Variants in SLC4A8 observed in about 807,000 individuals in gnomAD.
SLC4A8 encodes the protein solute carrier family 4 member 8, also known as electroneutral sodium bicarbonate exchanger 1.
Under a neutral mutation model 125.0 loss-of-function variants are expected in SLC4A8, and 40 were observed. The ratio of observed to expected loss-of-function variants is 0.32; its 90% CI spans 0.25 to 0.42. The LOEUF is 0.42. SLC4A8 is among the 10% of genes least tolerant of loss of function. The pLI, the probability that SLC4A8 is intolerant of heterozygous loss-of-function variation, is 1.00. For synonymous variants in SLC4A8, 456 were observed against 476.0 expected, an observed-to-expected ratio of 0.96 and a Z score of 0.55; for missense variants, 863 against 1,355.1, an observed-to-expected ratio of 0.64 and a Z score of 5.70.
intron 1 of SLC4A8, among the ~76,000 whole-genome samples, chr12:51,426,964 AGTC>A (rs1182247945): frequency 2.3e-5 from 3 of 130,632 alleles, no homozygotes; most frequent in Non-Finnish European, 3.1e-5. Flanking sequence ...TTTGAGATGG[AGTC>A]TTGCTCTGTC....
In SLC4A8 at chr12:51,471,496, A is replaced by T; in HGVS notation, c.1868A>T (p.His623Leu). The T allele has an allele frequency of 6.2e-7, 1 of 1,614,168 alleles. No individual in the cohort carries two copies. The highest frequency in any genetic ancestry group is 8.5e-7 in the Non-Finnish European group (1 of 1,180,020). Residue 623 changes from histidine (H) to leucine (L), a missense_variant, in exon 14 of 25, where the codon CAC becomes CTC. Physicochemically the swap from His to Leu is moderately conservative, Grantham distance 99 (BLOSUM62 -3). Transcript: ENST00000453097. The part of the protein sequence containing the change: ...LIHLAETYPI[H>L]MHSQLDHLSL... ...CACCTGGCAGAGACCTACCCCATCC[A>T]CATGCACAGCCAGCTGGACCACCTT...
intron 8 of SLC4A8, 94 bp from the exon 9 acceptor site, chr12:51,461,110 C>T (rs1227755830): frequency 1.4e-5 from 8 of 580,390 alleles, no homozygotes; most frequent in East Asian, 2.9e-5. Context: ...GATTTATGTA[C>T]GATAAGAGAG....
chr12:51,440,279 A>G (rs545800468), intron 1 of SLC4A8, among the ~76,000 whole-genome samples: 1 of 152,268 alleles, frequency 6.6e-6, no homozygotes, highest in South Asian at 2.1e-4. Flanking sequence ...ACCTGGGCTC[A>G]TGACACGTCC....
intron 8 of SLC4A8, among the ~76,000 whole-genome samples, chr12:51,460,791 A>G (rs1273483111): frequency 6.6e-6 from 1 of 152,206 alleles, no homozygotes; most frequent in African/African-American, 2.4e-5. Context: ...TCCAGAACAC[A>G]TTTAGACTCC....
At chr12:51,477,511 T>C (rs1950890470) in intron 16 of SLC4A8, among the ~76,000 whole-genome samples, 1 of 152,230 alleles carries the variant, frequency 6.6e-6, no homozygotes, top group Non-Finnish European at 1.5e-5. Flanking sequence ...CAATGCCAAA[T>C]GCCCACAGCA....
At chr12:51,451,090 G>C in intron 3 of SLC4A8, 68 bp downstream of exon 3, 1 of 1,277,444 alleles carries the variant, frequency 7.8e-7, no homozygotes, top group Non-Finnish European at 1.0e-6. Context: ...GGGGACATGT[G>C]ACTGACATTA....
At chr12:51,460,752 C>T (rs1202488892) in intron 8 of SLC4A8, among the ~76,000 whole-genome samples, 2 of 152,184 alleles carry the variant, frequency 1.3e-5, no homozygotes, top group African/African-American at 4.8e-5. Flanking sequence ...TGATTCAGAG[C>T]CCTGCTACTT....
Position 51,493,696 on chromosome 12 carries a change from G to C in SLC4A8, c.2701-8G>C. Reference sequence around the variant, plus strand: ...AATTTCTGGCCTTTCTTGTCCTTTTGTCTTCAGTTTATTCCAATGCCAGTA... The same window carrying C: ...AATTTCTGGCCTTTCTTGTCCTTTTCTCTTCAGTTTATTCCAATGCCAGTA... On this transcript the variant is annotated splice_polypyrimidine_tract_variant and splice_region_variant and intron_variant, in intron 19 of 24. Coordinates refer to ENST00000453097, the MANE Select transcript of SLC4A8 (RefSeq NM_001039960.3). 2 of 1,593,622 alleles carry C rather than the reference G, an allele frequency of 1.3e-6. No individual in the cohort carries two copies. Among genetic ancestry groups the C allele is most frequent in the Non-Finnish European group, 1.7e-6 (2 of 1,161,498 alleles).
At chr12:51,424,054 C>A (rs189634636), upstream of SLC4A8, among the ~76,000 whole-genome samples, 1,368 of 76,906 alleles carry the variant, frequency 0.018, 40 homozygotes, top group East Asian at 0.024. Flanking sequence ...AAAAAAAAAA[C>A]AAAAAAAACA....
upstream of SLC4A8, chr12:51,424,822 G>A: frequency 1.5e-6 from 1 of 660,790 alleles, no homozygotes; most frequent in Non-Finnish European, 2.6e-6. Context: ...TGGTTGCGGC[G>A]GATGCCTCGC....
chr12:51,455,514 T>C (rs1004675702), intron 5 of SLC4A8, among the ~76,000 whole-genome samples: 22 of 152,214 alleles, frequency 1.4e-4, no homozygotes, highest in Non-Finnish European at 2.5e-4. Context: ...TGCCCCTACC[T>C]CTTCAGTAAG....
At position 51,393,499 on chromosome 12, in the gene SLC4A8, C is replaced by T. The variant is rs1006259621; in HGVS notation, c.-112+2011C>T. ...CACTGGGAAAGGCAGGGAAGCCAGC[C>T]GGGTGTTAACAGGTGAATGAAGAAA... On this transcript the variant is annotated intron_variant, in intron 1 of 24. Coordinates refer to the SLC4A8 transcript ENST00000358657. Among the ~76,000 whole-genome samples, 10 of 152,246 alleles carry T rather than the reference C, an allele frequency of 6.6e-5. 1 individual carries two copies. Among genetic ancestry groups the T allele is most frequent in the African/African-American group, 1.7e-4 (7 of 41,524 alleles).
At chr12:51,457,621 G>A in intron 6 of SLC4A8, 82 bp downstream of exon 6, 1 of 1,284,948 alleles carries the variant, frequency 7.8e-7, no homozygotes, top group Non-Finnish European at 1.1e-6. Context: ...TAGGGGTGGG[G>A]GCTGTATTTG....
chr12:51,407,975 G>T (rs1390484861), intron 1 of SLC4A8: 1 of 152,426 alleles, frequency 6.6e-6, no homozygotes, highest in Non-Finnish European at 1.5e-5. Flanking sequence ...CTTGGCCTGT[G>T]CAGGCAGCAC....
At chr12:51,477,437 AG>A (rs1483793576) in intron 16 of SLC4A8, among the ~76,000 whole-genome samples, 1 of 152,196 alleles carries the variant, frequency 6.6e-6, no homozygotes, top group East Asian at 1.9e-4. Flanking sequence ...AGGCATAAAA[AG>A]GGCTGAGTTT....
chr12:51,461,994 A>AT (rs397937146), intron 9 of SLC4A8: 202 of 204,628 alleles, frequency 9.9e-4, no homozygotes, highest in East Asian at 2.3e-3. Context: ...GCTGATTAAA[A>AT]TTTTTTTTTT....
At chr12:51,411,536 C>T (rs1234604139) in intron 1 of SLC4A8, among the ~76,000 whole-genome samples, 6 of 151,966 alleles carry the variant, frequency 3.9e-5, no homozygotes, top group Admixed American at 6.6e-5. Context: ...CTACAGTGAG[C>T]GGTGATTATG....
rs1950801341 is a variant in SLC4A8, at chr12:51,474,384, C to T, written c.1947C>T (p.Leu649=). ...CAGAGAATCCAAACAATCACACCCT[C>T]CAGTACTGGAAGGACCACAACATCG... ...TLPENPNNHT[L]QYWKDHNIVT... The change falls in exon 15 of 25, where the codon CTC becomes CTT. Residue 649 remains leucine, a synonymous_variant. Transcript: ENST00000453097. The T allele has an allele frequency of 6.2e-7, 1 of 1,611,812 alleles. No individual in the cohort carries two copies. The highest frequency in any genetic ancestry group is 8.5e-7 in the Non-Finnish European group (1 of 1,178,268).
At chr12:51,413,363 T>C (rs572739074) in intron 1 of SLC4A8, among the ~76,000 whole-genome samples, 1 of 152,354 alleles carries the variant, frequency 6.6e-6, no homozygotes, top group East Asian at 1.9e-4. Flanking sequence ...ATTCTACAGG[T>C]TGTCTCTTTA....
Sources: gnomAD v4.1 joint callset for allele counts (sites outside exome capture counted in the v4.1 genomes callset) on GRCh38, gnomAD v4.1.1 for gene constraint, MANE v1.5 for transcripts, NCBI Gene and HGNC (gene_info 2026-07-23, HGNC 2026-07-21) for gene names.